COX20: variants seen among roughly 807,000 people sequenced by gnomAD.
COX20 encodes cytochrome c oxidase assembly factor COX20, also known as cytochrome c oxidase assembly protein COX20, mitochondrial.
COX20 carries 14 observed loss-of-function variants against 14.3 expected under a neutral mutation model. The ratio of observed to expected loss-of-function variants is 0.98; its 90% CI spans 0.65 to 1.53. COX20 has a LOEUF of 1.53. Ranked by LOEUF, COX20 falls within the 40% of genes most tolerant of loss-of-function variation. The probability of loss-of-function intolerance (pLI) is 0.00; values close to 1 mark genes in which losing one functional copy is unlikely to be tolerated. For synonymous variants in COX20, 56 were observed against 51.7 expected (o/e 1.08, Z -0.36); for missense variants, 149 against 142.1 (o/e 1.05, Z -0.25).
intron 1 of COX20, chr1:244,841,329 G>A (rs372049742): frequency 2.0e-5 from 3 of 152,240 alleles, no homozygotes; most frequent in African/African-American, 7.2e-5. Context: ...TCGTTCCCAT[G>A]TATTACGAAC....
At chr1:244,841,279 C>T (rs1680188529) in intron 1 of COX20, 1 of 152,184 alleles carries the variant, frequency 6.6e-6, no homozygotes, top group Non-Finnish European at 1.5e-5. Flanking sequence ...GATAAAAATC[C>T]AGCTCTTTGG....
intron 1 of COX20, chr1:244,836,353 G>A: frequency 1.4e-6 from 1 of 711,428 alleles, no homozygotes. Context: ...ACATCCAGTC[G>A]TAGCAGCCCA....
rs1680295360 is a variant in COX20 at position 244,843,437 on chromosome 1, A to C, written c.*261A>C. ...ATTGGCAGTGTGGCAAAGAATTATAAAACATAGTGTTTAATGTACTTGGAG... is the reference window on the plus strand; with the variant it reads ...ATTGGCAGTGTGGCAAAGAATTATACAACATAGTGTTTAATGTACTTGGAG... On this transcript the variant is annotated 3_prime_UTR_variant, in exon 4 of 4. Coordinates refer to ENST00000411948, the MANE Select transcript of COX20 (RefSeq NM_198076.6). 9 of 408,258 alleles carry C rather than the reference A, an allele frequency of 2.2e-5. No individual in the cohort carries two copies. Among genetic ancestry groups the C allele is most frequent in the Non-Finnish European group, 4.0e-5 (9 of 227,682 alleles). 25.3% of individuals were successfully genotyped at this position (408,258 alleles called of 1,614,324 possible). A position where few individuals can be genotyped will look rare whatever the true frequency, so the allele number is the denominator to read the frequency against.
chr1:244,844,747 A>G lies in COX20; in HGVS notation c.*1571A>G, dbSNP rs922183053. On this transcript the variant is annotated 3_prime_UTR_variant, in exon 4 of 4. Transcript: ENST00000411948. ...GCCATTGCACTCTAGCCTAGGTGACAGAGTGAGACTCCATCTCAAAAAAAA... is the reference window on the plus strand; with the variant it reads ...GCCATTGCACTCTAGCCTAGGTGACGGAGTGAGACTCCATCTCAAAAAAAA... 1 of 151,816 alleles carries G rather than the reference A, an allele frequency of 6.6e-6. No homozygotes were observed. Among genetic ancestry groups the G allele is most frequent in the East Asian group, 1.9e-4 (1 of 5,178 alleles). The allele number at this position is 151,816 out of a possible 1,614,324, so 9.4% of individuals were successfully genotyped here.
At position 244,844,914 on chromosome 1, in the gene COX20, T is replaced by G. The variant is rs1392308941; in HGVS notation, c.*1738T>G. On this transcript the variant is annotated 3_prime_UTR_variant, in exon 4 of 4. Transcript: ENST00000411948. The stretch of plus-strand genomic sequence containing the variant: ...CTTATGCTCAGTTTTACCTTAGTTA[T>G]TCCTTGGTATCCACAGGCCCAAGTC... The G allele has an allele frequency of 6.6e-6, 1 of 152,480 alleles. No individual in the cohort carries two copies. The highest frequency in any genetic ancestry group is 2.1e-4 in the South Asian group (1 of 4,832). The allele number at this position is 152,480 out of a possible 1,614,324, so 9.4% of individuals were successfully genotyped here.
chr1:244,839,533 G>T (rs1264966200), intron 1 of COX20, among the ~76,000 whole-genome samples: 1 of 152,088 alleles, frequency 6.6e-6, no homozygotes, highest in Non-Finnish European at 1.5e-5. Flanking sequence ...AATGTTAAAG[G>T]CATGTATATT....
chr1:244,843,848 A>G lies in COX20; in HGVS notation c.*672A>G, dbSNP rs556792143. The G allele has an allele frequency of 6.6e-6, 1 of 152,240 alleles. No homozygotes were observed. The highest frequency in any genetic ancestry group is 2.4e-5 in the African/African-American group (1 of 41,462). 9.4% of individuals were successfully genotyped at this position (152,240 alleles called of 1,614,324 possible). On this transcript the variant is annotated 3_prime_UTR_variant, in exon 4 of 4. Coordinates refer to ENST00000411948, the MANE Select transcript of COX20 (RefSeq NM_198076.6). The stretch of plus-strand genomic sequence containing the variant: ...ACAACTGCAGAATTACTATTAATGT[A>G]AACAATCCATTTGAAAGTCAATCAG...
intron 1 of COX20, chr1:244,841,691 A>G: frequency 5.6e-6 from 2 of 358,446 alleles, no homozygotes; most frequent in East Asian, 4.5e-5. Context: ...TTAGCAAATT[A>G]AGATACAGCT....
rs1558174241 is a variant in COX20, at chr1:244,835,729, G to GGAGCCCGGTGAGCCC, written c.19_33dup (p.Pro7_Glu11dup). ...GAGTAGTCCTCATGGCCGCCCCGCC[G>GGAGCCCGGTGAGCCC]GAGCCCGGTGAGCCCGAGGAGAGGA... is the stretch of plus-strand genomic sequence containing the variant. On this transcript the variant is annotated inframe_insertion, in exon 1 of 4. Coordinates refer to ENST00000411948, the MANE Select transcript of COX20 (RefSeq NM_198076.6). 1.6e-6 allele frequency: 2 copies of GGAGCCCGGTGAGCCC among 1,270,574 alleles called. No individual in the cohort carries two copies. The highest frequency in any genetic ancestry group is 5.7e-5 in the South Asian group (2 of 35,236). The allele number at this position is 1,270,574 out of a possible 1,614,324, so 78.7% of individuals were successfully genotyped here. A position where few individuals can be genotyped will look rare whatever the true frequency, so the allele number is the denominator to read the frequency against.
chr1:244,841,718 C>T (rs949112527), intron 1 of COX20: 10 of 466,800 alleles, frequency 2.1e-5, no homozygotes, highest in African/African-American at 3.9e-5. Context: ...TACCCTACTG[C>T]TTAAGGGTTT....
At chr1:244,837,722 C>T (rs1484942559) in intron 1 of COX20, among the ~76,000 whole-genome samples, 2 of 152,170 alleles carry the variant, frequency 1.3e-5, no homozygotes, top group Non-Finnish European at 2.9e-5. Flanking sequence ...ATAAGCAAGA[C>T]TTCTACTGAG....
chr1:244,843,717 C>G lies in COX20; in HGVS notation c.*541C>G, dbSNP rs1009531173. 3.3e-5 allele frequency: 5 copies of G among 152,110 alleles called. No individual in the cohort carries two copies. The highest frequency in any genetic ancestry group is 1.2e-4 in the African/African-American group (5 of 41,412). 9.4% of individuals were successfully genotyped at this position (152,110 alleles called of 1,614,324 possible). Reference sequence around the variant, plus strand: ...TCCAAAAGAGTTGTTTTTAACTGCCCTAAACATTTTTGGGGAAGTATGCAG... The same window carrying G: ...TCCAAAAGAGTTGTTTTTAACTGCCGTAAACATTTTTGGGGAAGTATGCAG... On this transcript the variant is annotated 3_prime_UTR_variant, in exon 4 of 4. Coordinates refer to ENST00000411948, the MANE Select transcript of COX20 (RefSeq NM_198076.6).
chr1:244,835,682 G>T lies in COX20; in HGVS notation c.-33G>T. 1 of 1,244,022 alleles carries T rather than the reference G, an allele frequency of 8.0e-7. No homozygotes were observed. 77.1% of individuals were successfully genotyped at this position (1,244,022 alleles called of 1,614,324 possible). ...GGCTTCTGCTTCCGCGACCCCGGCGGTGCAGGGCGGGTGGAGTCGCGGAGT... is the reference window on the plus strand; with the variant it reads ...GGCTTCTGCTTCCGCGACCCCGGCGTTGCAGGGCGGGTGGAGTCGCGGAGT... On this transcript the variant is annotated 5_prime_UTR_variant, in exon 1 of 4. Transcript: ENST00000411948.
At chr1:244,842,658 T>C (rs1330451813) in intron 3 of COX20, 2 of 233,628 alleles carry the variant, frequency 8.6e-6, no homozygotes, top group Non-Finnish European at 1.7e-5. Context: ...TATGGTTCCA[T>C]TTATACATGA....
intron 1 of COX20, chr1:244,836,636 AG>A: frequency 1.1e-6 from 1 of 897,348 alleles, no homozygotes; most frequent in Non-Finnish European, 1.7e-6. Context: ...AGAGGAAAAA[AG>A]TTTAATATAA....
upstream of COX20, chr1:244,835,581 A>G (rs1679939431): frequency 5.1e-6 from 3 of 585,582 alleles, no homozygotes; most frequent in Non-Finnish European, 7.5e-6. Flanking sequence ...ATTCCCTAAA[A>G]TGGCGGCCGG....
rs1317184157 is a variant in COX20 at position 244,835,836 on chromosome 1, G to C, written c.42+80G>C. 96 of 1,069,044 alleles carry C rather than the reference G, an allele frequency of 9.0e-5. No individual in the cohort carries two copies. The East Asian group carries it at 3.1e-3, about 35-fold the overall frequency. 66.2% of individuals were successfully genotyped at this position (1,069,044 alleles called of 1,614,324 possible). A position where few individuals can be genotyped will look rare whatever the true frequency, so the allele number is the denominator to read the frequency against. ...TCTCCGCGGAGCTCCTAGGCCCGGAGCACGTGTCACTGGCTTCTCTGCCAC... is the reference window on the plus strand; with the variant it reads ...TCTCCGCGGAGCTCCTAGGCCCGGACCACGTGTCACTGGCTTCTCTGCCAC... On this transcript the variant is annotated intron_variant, in intron 1 of 3. Coordinates refer to ENST00000411948, the MANE Select transcript of COX20 (RefSeq NM_198076.6).
At position 244,843,425 on chromosome 1, in the gene COX20, C is replaced by T. The variant is rs2102977162; in HGVS notation, c.*249C>T. On this transcript the variant is annotated 3_prime_UTR_variant, in exon 4 of 4. Transcript: ENST00000411948. ...TGAACAGAATTTATTGGCAGTGTGG[C>T]AAAGAATTATAAAACATAGTGTTTA... 2.3e-6 allele frequency: 1 copy of T among 428,572 alleles called. No individual in the cohort carries two copies. The highest frequency in any genetic ancestry group is 4.8e-5 in the East Asian group (1 of 20,946). The allele number at this position is 428,572 out of a possible 1,614,324, so 26.5% of individuals were successfully genotyped here.
rs1233944141 is a variant in COX20 at position 244,844,879 on chromosome 1, G to A, written c.*1703G>A. 6.6e-6 allele frequency: 1 copy of A among 152,156 alleles called. No homozygotes were observed. The highest frequency in any genetic ancestry group is 1.5e-5 in the Non-Finnish European group (1 of 68,034). 9.4% of individuals were successfully genotyped at this position (152,156 alleles called of 1,614,324 possible). A position where few individuals can be genotyped will look rare whatever the true frequency, so the allele number is the denominator to read the frequency against. ...AATAATCTGATATTTAACAAAATAT[G>A]GACAGGCCACTTATGCTCAGTTTTA... On this transcript the variant is annotated 3_prime_UTR_variant, in exon 4 of 4. Coordinates refer to ENST00000411948, the MANE Select transcript of COX20 (RefSeq NM_198076.6).
Sources: allele counts gnomAD v4.1 joint callset (sites outside exome capture counted in the v4.1 genomes callset), GRCh38; gene constraint gnomAD v4.1.1; transcripts MANE v1.5; gene names NCBI Gene and HGNC (gene_info 2026-07-23, HGNC 2026-07-21).